Variants in GSN observed in about 807,000 individuals in gnomAD.
The protein encoded by GSN is gelsolin.
Under a neutral mutation model 85.7 loss-of-function variants are expected in GSN, and 56 were observed. The ratio of observed to expected loss-of-function variants is 0.65; its 90% CI spans 0.53 to 0.82. GSN has a LOEUF of 0.82. GSN is among the 40% of genes least tolerant of loss of function. The pLI is 0.00. For missense variants in GSN, 857 were observed against 979.8 expected (o/e 0.87, Z 1.67); for synonymous variants, 373 against 399.1 (o/e 0.93, Z 0.78).
intron 6 of GSN, among the ~76,000 whole-genome samples, chr9:121,255,500 T>C (rs1172215461): frequency 6.6e-6 from 1 of 152,206 alleles, no homozygotes; most frequent in Non-Finnish European, 1.5e-5. Context: ...TCTCCCAAAG[T>C]GCTGAGATTA....
chr9:121,214,284 TCC>T (rs1491232779), intron 4 of GSN, among the ~76,000 whole-genome samples: 1 of 151,862 alleles, frequency 6.6e-6, no homozygotes, highest in East Asian at 1.9e-4. Flanking sequence ...TCTCTCCTCC[TCC>T]TTCTTCCTCT....
At chr9:121,230,823 G>T (rs559733401) in intron 4 of GSN, among the ~76,000 whole-genome samples, 1 of 152,128 alleles carries the variant, frequency 6.6e-6, no homozygotes, top group Non-Finnish European at 1.5e-5. Flanking sequence ...TATTCAGTGG[G>T]TTAATGTGAT....
chr9:121,209,247 GT>G (rs1051766649), intron 1 of GSN: 8 of 152,264 alleles, frequency 5.3e-5, no homozygotes, highest in Non-Finnish European at 7.3e-5. Context: ...GAAGTGCTGA[GT>G]TGGGCATGAC....
chr9:121,262,016 A>G (rs142319040), intron 6 of GSN, among the ~76,000 whole-genome samples: 553 of 152,340 alleles, frequency 3.6e-3, no homozygotes, highest in African/African-American at 0.013. Flanking sequence ...TTTTGTTTCT[A>G]AAGCACAGCA....
intron 1 of GSN, among the ~76,000 whole-genome samples, chr9:121,275,329 C>T (rs878691): frequency 0.38 from 57,585 of 152,106 alleles, 13,592 homozygotes; most frequent in East Asian, 0.62. Flanking sequence ...GTTAGGGCTT[C>T]AATACCCACT....
chr9:121,312,366 A>G lies in GSN; in HGVS notation c.541A>G (p.Ser181Gly). 6.2e-7 allele frequency: 1 copy of G among 1,614,176 alleles called. No individual in the cohort carries two copies. The change falls in exon 6 of 18, where the codon AGC becomes GGC. Residue 181 changes from serine to glycine, a missense_variant. Ser to Gly is a moderately conservative substitution (Grantham distance 56). Coordinates refer to ENST00000432226, the MANE Select transcript of GSN (RefSeq NM_198252.3). ...NNIHQWCGSN[S>G]NRYERLKATQ... ...CATCCACCAGTGGTGTGGTTCCAAC[A>G]GCAATCGGTATGAAAGACTGAAGGC...
chr9:121,216,148 A>T (rs1013968734), intron 4 of GSN, among the ~76,000 whole-genome samples: 3 of 152,086 alleles, frequency 2.0e-5, no homozygotes, highest in African/African-American at 7.2e-5. Context: ...GGTTTTTGCC[A>T]TGTTGGCCAG....
At chr9:121,290,775 C>T (rs2058607769) in intron 2 of GSN, among the ~76,000 whole-genome samples, 1 of 152,176 alleles carries the variant, frequency 6.6e-6, no homozygotes, top group Non-Finnish European at 1.5e-5. Flanking sequence ...AAATACAGTA[C>T]AACTTATTCC....
In GSN at chr9:121,261,738, C is replaced by G. The variant is rs1001952111; in HGVS notation, c.-340-3416C>G. Among the ~76,000 whole-genome samples the G allele has an allele frequency of 2.6e-5, 4 of 152,216 alleles. No homozygotes were observed. Among genetic ancestry groups the G allele is most frequent in the Admixed American group, 2.0e-4 (3 of 15,282 alleles). On this transcript the variant is annotated intron_variant, in intron 6 of 24. Transcript: ENST00000373823. The surrounding 1 kb of genome is among the most constrained non-coding windows in gnomAD (Gnocchi z 4.1). Reference sequence around the variant, plus strand: ...CTGGCTCAAGCTCATTCACCTTAAACACCTCCACGCCCGTACCTAGGGGGT... The same window carrying G: ...CTGGCTCAAGCTCATTCACCTTAAAGACCTCCACGCCCGTACCTAGGGGGT...
chr9:121,299,337 C>T lies in GSN; in HGVS notation c.-9-2626C>T, dbSNP rs1012900891. On this transcript the variant is annotated intron_variant, in intron 2 of 17. Transcript: ENST00000432226. The surrounding 1 kb of genome is among the most constrained non-coding windows in gnomAD (Gnocchi z 4.2). Reference sequence around the variant, plus strand: ...GTGGGGGTTCTGCCCAGGCCCACTACGGCCTGAGTTCAAATCCCGGCAGCA... The same window carrying T: ...GTGGGGGTTCTGCCCAGGCCCACTATGGCCTGAGTTCAAATCCCGGCAGCA... 3.1e-6 allele frequency: 3 copies of T among 982,590 alleles called. No individual in the cohort carries two copies. The highest frequency in any genetic ancestry group is 3.6e-6 in the Non-Finnish European group (3 of 827,486). The allele number at this position is 982,590 out of a possible 1,614,324, so 60.9% of individuals were successfully genotyped here. A position where few individuals can be genotyped will look rare whatever the true frequency, so the allele number is the denominator to read the frequency against.
chr9:121,301,983 A>G lies in GSN; in HGVS notation c.12A>G (p.Glu4=). The change falls in exon 3 of 18, where the codon GAA becomes GAG. Residue 4 remains glutamate, a synonymous_variant. Transcript: ENST00000432226. ...CCCAGCCCAACAGCATGGTGGTGGA[A>G]CACCCCGAGTTCCTCAAGGCAGGGA... MVV[E]HPEFLKAGKE... 1 of 1,614,192 alleles carries G rather than the reference A, an allele frequency of 6.2e-7. No individual in the cohort carries two copies.
At chr9:121,315,595 C>A (rs543748748) in intron 7 of GSN, among the ~76,000 whole-genome samples, 1 of 152,124 alleles carries the variant, frequency 6.6e-6, no homozygotes, top group East Asian at 1.9e-4. Context: ...GAAACACTGT[C>A]TCTACTAAAA....
At chr9:121,219,045 A>G (rs1367359260) in intron 4 of GSN, among the ~76,000 whole-genome samples, 5 of 152,178 alleles carry the variant, frequency 3.3e-5, no homozygotes, top group Admixed American at 1.3e-4. Flanking sequence ...CTGAAGTCCA[A>G]TATCTTTATT....
chr9:121,332,724 T>TA lies in GSN; in HGVS notation c.*121_*122insA. On this transcript the variant is annotated 3_prime_UTR_variant, in exon 18 of 18. Transcript: ENST00000432226. The surrounding 1 kb of genome is among the most constrained non-coding windows in gnomAD (Gnocchi z 4.8). ...AGTGTGTGTGTGTGTGTGTGTTGTT[T>TA]CTTTTTTTTTTTTTTACAGTATCCA... 5.6e-6 allele frequency: 4 copies of TA among 713,268 alleles called. No homozygotes were observed. The highest frequency in any genetic ancestry group is 9.1e-6 in the Non-Finnish European group (4 of 440,072). The allele number at this position is 713,268 out of a possible 1,614,324, so 44.2% of individuals were successfully genotyped here. A position where few individuals can be genotyped will look rare whatever the true frequency, so the allele number is the denominator to read the frequency against.
chr9:121,286,560 G>A, intron 2 of GSN: 1 of 1,447,182 alleles, frequency 6.9e-7, no homozygotes, highest in Non-Finnish European at 9.1e-7. Context: ...CCTCCTCCGT[G>A]GCTCTGTTGG....
chr9:121,295,404 C>T (rs10760169), intron 2 of GSN, among the ~76,000 whole-genome samples: 57,483 of 152,114 alleles, frequency 0.38, 13,559 homozygotes, highest in East Asian at 0.62. Context: ...ACCCAGAGAA[C>T]AGCAGTGAGC....
chr9:121,317,238 G>A lies in GSN; in HGVS notation c.886+20G>A, dbSNP rs2061824895. On this transcript the variant is annotated intron_variant, in intron 8 of 17. Coordinates refer to ENST00000432226, the MANE Select transcript of GSN (RefSeq NM_198252.3). The stretch of plus-strand genomic sequence containing the variant: ...GGAAAGGTACTGGAGACAGGGAAAG[G>A]GTCCCAACTGGCCTGTAGGATCTTG... 1.2e-6 allele frequency: 2 copies of A among 1,613,602 alleles called. No individual in the cohort carries two copies. Among genetic ancestry groups the A allele is most frequent in the Non-Finnish European group, 1.7e-6 (2 of 1,179,694 alleles).
At chr9:121,305,947 AGTGT>A (rs752910463) in intron 4 of GSN, among the ~76,000 whole-genome samples, 4 of 152,136 alleles carry the variant, frequency 2.6e-5, no homozygotes, top group Non-Finnish European at 5.9e-5. Context: ...CTGTCCTCGG[AGTGT>A]GAGAAGGGGC....
intron 2 of GSN, among the ~76,000 whole-genome samples, chr9:121,293,916 C>T (rs545523959): frequency 3.9e-5 from 6 of 152,086 alleles, no homozygotes; most frequent in South Asian, 4.1e-4. Context: ...TTATAATCCC[C>T]GTTTTATAGA....
Sources: gnomAD v4.1 joint callset for allele counts (sites outside exome capture counted in the v4.1 genomes callset) on GRCh38, gnomAD v4.1.1 for gene constraint, Gnocchi (gnomAD v3.1) non-coding constraint, MANE v1.5 for transcripts, NCBI Gene and HGNC (gene_info 2026-07-23, HGNC 2026-07-21) for gene names.